Variants in CDH9 observed in about 807,000 individuals in gnomAD.
CDH9 encodes cadherin 9, also known as cadherin-9.
Under a neutral mutation model 70.9 loss-of-function variants are expected in CDH9, and 28 were observed. The ratio of observed to expected loss-of-function variants is 0.40; its 90% CI spans 0.29 to 0.54. The LOEUF (loss-of-function observed/expected upper bound fraction) is 0.54. Ranked by LOEUF, CDH9 falls within the 20% of genes least tolerant of loss-of-function variation. The pLI is 0.59. For missense variants in CDH9, 874 were observed against 984.4 expected, an observed-to-expected ratio of 0.89 and a Z score of 1.50; for synonymous variants, 409 against 343.1, an observed-to-expected ratio of 1.19 and a Z score of -2.12.
intron 2 of CDH9, among the ~76,000 whole-genome samples, chr5:26,981,059 G>A (rs1321766537): frequency 1.3e-5 from 2 of 152,020 alleles, no homozygotes; most frequent in Non-Finnish European, 2.9e-5. Flanking sequence ...TTGGTTTTTT[G>A]TTGGTGGAAG....
intron 3 of CDH9, among the ~76,000 whole-genome samples, chr5:26,909,427 T>A (rs1741008627): frequency 6.6e-6 from 1 of 151,718 alleles, no homozygotes; most frequent in Non-Finnish European, 1.5e-5. Flanking sequence ...TTTATTTTCA[T>A]ATTAAAGATA....
chr5:26,905,837 T>C (rs1740936464), intron 5 of CDH9, 122 bp downstream of exon 5: 2 of 708,674 alleles, frequency 2.8e-6, no homozygotes, highest in Middle Eastern at 2.5e-4. Flanking sequence ...AGGAATGGAT[T>C]ATGGTTTTTT....
At chr5:27,011,850 ATC>A (rs898472441) in intron 1 of CDH9, among the ~76,000 whole-genome samples, 2 of 151,860 alleles carry the variant, frequency 1.3e-5, no homozygotes, top group African/African-American at 2.4e-5. Context: ...CAAGGCACCA[ATC>A]TCTCTCTCTG....
chr5:26,941,518 A>G (rs1330865414), intron 2 of CDH9, among the ~76,000 whole-genome samples: 1 of 152,166 alleles, frequency 6.6e-6, no homozygotes, highest in Non-Finnish European at 1.5e-5. Flanking sequence ...GAACCAGACT[A>G]TTGCCTATCA....
chr5:26,988,960 T>G (rs1182200095), intron 1 of CDH9, among the ~76,000 whole-genome samples: 1 of 152,052 alleles, frequency 6.6e-6, no homozygotes, highest in Non-Finnish European at 1.5e-5. Flanking sequence ...ACCATGTCGA[T>G]CTTTTCCAAT....
In CDH9 at chr5:26,971,856, C is replaced by T. The variant is rs186474973; in HGVS notation, c.228+16250G>A. 8.2e-3 allele frequency among the ~76,000 whole-genome samples: 1,239 copies of T among 151,946 alleles called. 8 individuals are homozygous for T. Among genetic ancestry groups the T allele is most frequent in the Non-Finnish European group, 0.012 (815 of 67,972 alleles). ...GAACACAGAGACAACAACCACTGAC[C>T]GGCAGGTGAGAAAATGGCTCATAAA... On this transcript the variant is annotated intron_variant, in intron 2 of 11. Transcript: ENST00000231021.
chr5:26,940,391 A>T (rs947273087), intron 2 of CDH9, among the ~76,000 whole-genome samples: 1 of 152,218 alleles, frequency 6.6e-6, no homozygotes, highest in African/African-American at 2.4e-5. Flanking sequence ...GGAGCTATCT[A>T]TTTAAAATAA....
intron 2 of CDH9, among the ~76,000 whole-genome samples, chr5:26,930,200 C>G (rs1288149351): frequency 6.6e-6 from 1 of 151,750 alleles, no homozygotes; most frequent in Non-Finnish European, 1.5e-5. Flanking sequence ...AAATTACTTC[C>G]CAATCAAGTT....
intron 1 of CDH9, among the ~76,000 whole-genome samples, chr5:27,026,500 C>T (rs1392847348): frequency 1.3e-5 from 2 of 151,890 alleles, no homozygotes; most frequent in Non-Finnish European, 2.9e-5. Context: ...AATCACTCTC[C>T]ATTATACCAC....
chr5:26,890,449 T>C lies in CDH9; in HGVS notation c.1369A>G (p.Thr457Ala), dbSNP rs772484794. 1 of 1,613,496 alleles carries C rather than the reference T, an allele frequency of 6.2e-7. No individual in the cohort carries two copies. The highest frequency in any genetic ancestry group is 8.5e-7 in the Non-Finnish European group (1 of 1,179,522). ...DRESSPWHNI[T>A]VTATEINNPK... ...TTACTTATTTCTGTGGCTGTAACAGTGATGTTATGCCAAGGAGATGATTCC... is the reference window on the plus strand; with the variant it reads ...TTACTTATTTCTGTGGCTGTAACAGCGATGTTATGCCAAGGAGATGATTCC... The change falls in exon 8 of 12, where the codon ACT becomes GCT. Residue 457 changes from threonine to alanine, a missense_variant. Thr to Ala is a moderately conservative substitution (Grantham distance 58). Coordinates refer to ENST00000231021, the MANE Select transcript of CDH9 (RefSeq NM_016279.4).
chr5:26,987,717 AG>A (rs1178156035), intron 2 of CDH9, among the ~76,000 whole-genome samples: 2 of 152,104 alleles, frequency 1.3e-5, no homozygotes, highest in Non-Finnish European at 2.9e-5. Flanking sequence ...AGCTCACCCT[AG>A]CAGATATTAA....
intron 11 of CDH9, among the ~76,000 whole-genome samples, chr5:26,883,095 A>G (rs1561181256): frequency 8.1e-6 from 1 of 123,688 alleles, no homozygotes; most frequent in Non-Finnish European, 1.7e-5. Flanking sequence ...ATATATATAT[A>G]AAACTGCAGT....
chr5:26,999,611 A>C (rs1335982592), intron 1 of CDH9, among the ~76,000 whole-genome samples: 1 of 152,192 alleles, frequency 6.6e-6, no homozygotes, highest in Non-Finnish European at 1.5e-5. Context: ...AAAGGGACAA[A>C]GGCAATTCAA....
At chr5:26,884,070 T>A (rs891597308) in intron 11 of CDH9, among the ~76,000 whole-genome samples, 1 of 152,018 alleles carries the variant, frequency 6.6e-6, no homozygotes, top group African/African-American at 2.4e-5. Context: ...CAATTTTAAC[T>A]ACAATAATAA....
intron 2 of CDH9, among the ~76,000 whole-genome samples, chr5:26,933,509 G>T (rs575684054): frequency 6.6e-6 from 1 of 152,042 alleles, no homozygotes; most frequent in Admixed American, 6.6e-5. Context: ...GGGTGCACTG[G>T]CTCACGCCTG....
At chr5:27,015,488 A>T (rs1743032434) in intron 1 of CDH9, among the ~76,000 whole-genome samples, 1 of 151,802 alleles carries the variant, frequency 6.6e-6, no homozygotes, top group Non-Finnish European at 1.5e-5. Context: ...TGTATTTAGC[A>T]AAGCAACATT....
intron 1 of CDH9, among the ~76,000 whole-genome samples, chr5:27,033,017 A>C (rs1371977283): frequency 6.6e-6 from 1 of 151,242 alleles, no homozygotes; most frequent in Non-Finnish European, 1.5e-5. Context: ...AAAGATAATA[A>C]ATTTTGTGAG....
chr5:26,928,051 A>T (rs190714707), intron 2 of CDH9, among the ~76,000 whole-genome samples: 1 of 152,194 alleles, frequency 6.6e-6, no homozygotes, highest in East Asian at 1.9e-4. Context: ...AACTTAAGTT[A>T]AATTATACAT....
intron 1 of CDH9, among the ~76,000 whole-genome samples, chr5:26,990,585 T>C (rs528269098): frequency 6.6e-5 from 10 of 152,230 alleles, no homozygotes; most frequent in Admixed American, 6.5e-4. Context: ...TATCAGAAAT[T>C]TAAAATGTTA....
Sources: gnomAD v4.1 joint callset for allele counts (sites outside exome capture counted in the v4.1 genomes callset) on GRCh38, gnomAD v4.1.1 for gene constraint, MANE v1.5 for transcripts, NCBI Gene and HGNC (gene_info 2026-07-23, HGNC 2026-07-21) for gene names.